CYTH3: variants seen among roughly 807,000 people sequenced by gnomAD.
CYTH3 encodes the protein cytohesin-3.
Under a neutral mutation model 55.1 loss-of-function variants are expected in CYTH3, and 23 were observed. The ratio of observed to expected loss-of-function variants is 0.42; its 90% CI spans 0.30 to 0.59. CYTH3 has a LOEUF of 0.59. Among genes scored for constraint, CYTH3 ranks in the 20% least tolerant of loss-of-function variants. The pLI, the probability that CYTH3 is intolerant of heterozygous loss-of-function variation, is 0.20. For missense variants in CYTH3, 413 were observed against 524.8 expected, an observed-to-expected ratio of 0.79 and a Z score of 2.08; for synonymous variants, 249 against 194.9, an observed-to-expected ratio of 1.28 and a Z score of -2.31.
At position 6,164,118 on chromosome 7, in the gene CYTH3, C is replaced by T. The variant is rs1042123527; in HGVS notation, c.*826G>A. On this transcript the variant is annotated 3_prime_UTR_variant, in exon 13 of 13. Transcript: ENST00000350796. Reference sequence around the variant, plus strand: ...CCAAAAAGCCTGGTTGAAGGGAGGCCTCATGGGAGTCACCCTGGAGCCCCC... The same window carrying T: ...CCAAAAAGCCTGGTTGAAGGGAGGCTTCATGGGAGTCACCCTGGAGCCCCC... 5.9e-5 allele frequency: 9 copies of T among 152,452 alleles called. No homozygotes were observed. The highest frequency in any genetic ancestry group is 2.1e-4 in the South Asian group (1 of 4,820). The allele number at this position is 152,452 out of a possible 1,614,324, so 9.4% of individuals were successfully genotyped here.
chr7:6,214,355 T>C (rs139892438), intron 1 of CYTH3, among the ~76,000 whole-genome samples: 2,652 of 152,340 alleles, frequency 0.017, 37 homozygotes, highest in Non-Finnish European at 0.026. Context: ...TTTAAAAGCC[T>C]TGACTATTAG....
At chr7:6,221,893 A>G (rs1004066134) in intron 1 of CYTH3, among the ~76,000 whole-genome samples, 1 of 152,222 alleles carries the variant, frequency 6.6e-6, no homozygotes, top group African/African-American at 2.4e-5. Flanking sequence ...CCGAGGCTGC[A>G]GTGAGCTATG....
intron 1 of CYTH3, among the ~76,000 whole-genome samples, chr7:6,259,764 TATATATA>T (rs1780249788): frequency 4.0e-5 from 1 of 24,936 alleles, no homozygotes; most frequent in African/African-American, 3.8e-4. Context: ...ATATTATATA[TATATATA>T]TTATATATAT....
chr7:6,238,567 A>C (rs1186623023), intron 1 of CYTH3, among the ~76,000 whole-genome samples: 3 of 152,234 alleles, frequency 2.0e-5, no homozygotes, highest in Non-Finnish European at 2.9e-5. Flanking sequence ...ATGTAAAAAG[A>C]AAGCCCTTCA....
At chr7:6,209,578 A>G (rs761810656) in intron 1 of CYTH3, among the ~76,000 whole-genome samples, 2 of 152,230 alleles carry the variant, frequency 1.3e-5, no homozygotes, top group Non-Finnish European at 2.9e-5. Flanking sequence ...CAAGCTCAAC[A>G]GCCTTACAAT....
At chr7:6,254,383 G>A (rs1048605281) in intron 1 of CYTH3, among the ~76,000 whole-genome samples, 2 of 152,182 alleles carry the variant, frequency 1.3e-5, no homozygotes. Context: ...GAATGATAAC[G>A]GCTGTAGTTA....
chr7:6,270,763 G>T (rs951017580), intron 1 of CYTH3, among the ~76,000 whole-genome samples: 1 of 152,168 alleles, frequency 6.6e-6, no homozygotes, highest in African/African-American at 2.4e-5. Context: ...TCCCAGAAGA[G>T]ATACTAACAA....
chr7:6,175,043 T>C (rs916992472), intron 5 of CYTH3, among the ~76,000 whole-genome samples: 1 of 152,252 alleles, frequency 6.6e-6, no homozygotes, highest in Non-Finnish European at 1.5e-5. Flanking sequence ...AAGGACTGAA[T>C]CAGTATGATA....
intron 1 of CYTH3, among the ~76,000 whole-genome samples, chr7:6,218,783 G>A (rs1020303427): frequency 1.3e-5 from 2 of 152,078 alleles, no homozygotes; most frequent in Admixed American, 1.3e-4. Context: ...GAGGCGGGCA[G>A]GTCACGAGGT....
chr7:6,204,775 C>T (rs1040436683), intron 1 of CYTH3, among the ~76,000 whole-genome samples: 1 of 152,232 alleles, frequency 6.6e-6, no homozygotes, highest in Admixed American at 6.5e-5. Context: ...ACTTAGAGTG[C>T]TCTATGTTTC....
At chr7:6,259,774 A>ATAT (rs1780260672) in intron 1 of CYTH3, among the ~76,000 whole-genome samples, 1 of 22,710 alleles carries the variant, frequency 4.4e-5, no homozygotes, top group African/African-American at 6.3e-4. Flanking sequence ...TATATATATT[A>ATAT]TATATATATA....
rs1487538278 is a variant in CYTH3, at chr7:6,169,726, T to C, written c.823+809A>G. Among the ~76,000 whole-genome samples, 1 of 152,086 alleles carries C rather than the reference T, an allele frequency of 6.6e-6. No individual in the cohort carries two copies. The highest frequency in any genetic ancestry group is 1.5e-5 in the Non-Finnish European group (1 of 67,994). ...TGCCCTAAATTGCTCCAAAGGCCTT[T>C]AGAGCACTCCCGAAATCTCTCCATG... is the stretch of plus-strand genomic sequence containing the variant. On this transcript the variant is annotated intron_variant, in intron 9 of 12. Transcript: ENST00000350796. This position sits in a 1 kb window ranked among gnomAD's most constrained non-coding sequence, Gnocchi z 4.1.
At chr7:6,209,501 C>G (rs577357185) in intron 1 of CYTH3, among the ~76,000 whole-genome samples, 116 of 152,282 alleles carry the variant, frequency 7.6e-4, no homozygotes, top group Non-Finnish European at 1.6e-3. Flanking sequence ...GGGGGAGCAG[C>G]TTCACAAATG....
chr7:6,178,820 G>T (rs1783408951), intron 4 of CYTH3, among the ~76,000 whole-genome samples: 1 of 152,210 alleles, frequency 6.6e-6, no homozygotes, highest in African/African-American at 2.4e-5. Context: ...AAAGGCAATG[G>T]GCTGCCCCTG....
intron 4 of CYTH3, among the ~76,000 whole-genome samples, chr7:6,185,050 A>G (rs1783601169): frequency 2.0e-5 from 3 of 152,196 alleles, no homozygotes; most frequent in Admixed American, 6.5e-5. Flanking sequence ...GATGCTTCCA[A>G]TGCTTATTAC....
chr7:6,259,786 TA>T (rs1780268794), intron 1 of CYTH3, among the ~76,000 whole-genome samples: 1 of 14,540 alleles, frequency 6.9e-5, no homozygotes, highest in Non-Finnish European at 9.0e-5. Context: ...ATATATATAA[TA>T]TATATATATA....
intron 5 of CYTH3, 54 bp from the exon 6 acceptor site, chr7:6,173,787 T>C (rs1783263833): frequency 9.5e-7 from 1 of 1,047,450 alleles, no homozygotes; most frequent in South Asian, 1.3e-5. Flanking sequence ...GCAATCATTT[T>C]AAAAGATGCG....
At position 6,162,059 on chromosome 7, in the gene CYTH3, C is replaced by T. The variant is rs923843147; in HGVS notation, c.*2885G>A. On this transcript the variant is annotated 3_prime_UTR_variant, in exon 13 of 13. Transcript: ENST00000350796. ...GTCTACCACAGACCTAACTTCTCAG[C>T]AAAGCATATCTATGTAGATATCTGC... 6.6e-6 allele frequency: 1 copy of T among 152,628 alleles called. No individual in the cohort carries two copies. Among genetic ancestry groups the T allele is most frequent in the Non-Finnish European group, 1.5e-5 (1 of 68,040 alleles). The allele number at this position is 152,628 out of a possible 1,614,324, so 9.5% of individuals were successfully genotyped here.
At chr7:6,191,831 CTTTGGGAGGCCAA>C (rs11274365) in intron 1 of CYTH3, among the ~76,000 whole-genome samples, 1,966 of 152,224 alleles carry the variant, frequency 0.013, 38 homozygotes, top group African/African-American at 0.044. Context: ...TATCCAAGCA[CTTTGGGAGGCCAA>C]GGTGGGAGGA....
Sources: allele counts gnomAD v4.1 joint callset (sites outside exome capture counted in the v4.1 genomes callset), GRCh38; gene constraint gnomAD v4.1.1; non-coding constraint Gnocchi (gnomAD v3.1); transcripts MANE v1.5; gene names NCBI Gene and HGNC (gene_info 2026-07-23, HGNC 2026-07-21).